TGS1: variants seen among roughly 807,000 people sequenced by gnomAD.
The protein encoded by TGS1 is trimethylguanosine synthase.
TGS1 carries 69 observed loss-of-function variants against 92.2 expected under a neutral mutation model. The observed-to-expected ratio is 0.75, with a 90% CI of 0.62 to 0.91. TGS1 has a LOEUF of 0.91. Ranked by LOEUF, TGS1 falls within the 40% of genes least tolerant of loss-of-function variation. The pLI is 0.00. For missense variants in TGS1, 1,062 were observed against 1,001.2 expected (o/e 1.06, Z -0.82); for synonymous variants, 345 against 338.1 (o/e 1.02, Z -0.22).
chr8:55,775,409 C>T (rs768001836), intron 1 of TGS1, among the ~76,000 whole-genome samples: 1 of 152,044 alleles, frequency 6.6e-6, no homozygotes, highest in East Asian at 1.9e-4. Context: ...ACTACTCAGG[C>T]GGCAGTGTGG....
At chr8:55,817,173 C>T (rs189617878) in intron 12 of TGS1, among the ~76,000 whole-genome samples, 2 of 152,266 alleles carry the variant, frequency 1.3e-5, no homozygotes, top group African/African-American at 4.8e-5. Context: ...CTCATCTCTC[C>T]TTAGTTGGCA....
intron 6 of TGS1, 69 bp from the exon 7 acceptor site, chr8:55,795,909 C>A: frequency 8.5e-7 from 1 of 1,181,946 alleles, no homozygotes; most frequent in Non-Finnish European, 1.2e-6. Context: ...TTAGTTTCAT[C>A]CTCTTTTCCT....
chr8:55,802,389 A>G, intron 8 of TGS1, 68 bp from the exon 9 acceptor site: 2 of 1,315,584 alleles, frequency 1.5e-6, no homozygotes, highest in Non-Finnish European at 2.2e-6. Flanking sequence ...CTTCATTTTT[A>G]GATAAACTCA....
chr8:55,822,896 A>G (rs1378636424), intron 12 of TGS1, among the ~76,000 whole-genome samples: 2 of 152,186 alleles, frequency 1.3e-5, no homozygotes, highest in Non-Finnish European at 2.9e-5. Context: ...TACCACTGAG[A>G]TTACATTCTC....
intron 12 of TGS1, among the ~76,000 whole-genome samples, chr8:55,814,017 G>A (rs1047133404): frequency 1.3e-5 from 2 of 151,984 alleles, no homozygotes; most frequent in African/African-American, 4.8e-5. Context: ...GCCCAAACAC[G>A]GCTCACTGCA....
intron 5 of TGS1, among the ~76,000 whole-genome samples, chr8:55,792,425 T>C (rs767437348): frequency 2.0e-5 from 3 of 152,248 alleles, no homozygotes; most frequent in Non-Finnish European, 2.9e-5. Context: ...TGAGAGATTA[T>C]ATTTGTACCA....
intron 7 of TGS1, among the ~76,000 whole-genome samples, chr8:55,796,479 C>T (rs186626084): frequency 6.6e-6 from 1 of 151,770 alleles, no homozygotes; most frequent in Non-Finnish European, 1.5e-5. Flanking sequence ...CACCTGAGGT[C>T]GGGAGTACCA....
intron 1 of TGS1, among the ~76,000 whole-genome samples, chr8:55,780,670 A>G (rs1023660318): frequency 3.3e-5 from 5 of 152,052 alleles, no homozygotes; most frequent in Admixed American, 3.3e-4. Flanking sequence ...TGAATCAGCT[A>G]CCTCTGTGAA....
At position 55,804,920 on chromosome 8, in the gene TGS1, A is replaced by G. The variant is rs1383381572; in HGVS notation, c.2027A>G (p.Lys676Arg). The G allele has an allele frequency of 6.2e-7, 1 of 1,614,006 alleles. No individual in the cohort carries two copies. The highest frequency in any genetic ancestry group is 1.7e-5 in the Admixed American group (1 of 60,004). Reference sequence around the variant, plus strand: ...GGCTGGTTTTCAGTTACACCCGAGAAGATTGCTGAACACATTGCTGGCCGT... The same window carrying G: ...GGCTGGTTTTCAGTTACACCCGAGAGGATTGCTGAACACATTGCTGGCCGT... ...REGWFSVTPEKIAEHIAGRVS... is the reference protein window; with the variant it reads ...REGWFSVTPERIAEHIAGRVS... Residue 676 changes from lysine to arginine, a missense_variant, in exon 10 of 13, where the codon AAG becomes AGG. Physicochemically the swap from Lys to Arg is conservative, Grantham distance 26. Transcript: ENST00000260129.
At chr8:55,793,733 A>AATTTATTTATTT (rs143163863) in intron 6 of TGS1, among the ~76,000 whole-genome samples, 5 of 144,964 alleles carry the variant, frequency 3.4e-5, no homozygotes, top group East Asian at 4.0e-4. Context: ...ATGCCCTGCT[A>AATTTATTTATTT]ATTTATTTAT....
At chr8:55,817,084 C>T (rs927325319) in intron 12 of TGS1, among the ~76,000 whole-genome samples, 2 of 152,064 alleles carry the variant, frequency 1.3e-5, no homozygotes, top group Admixed American at 6.6e-5. Context: ...AGGATGGTCT[C>T]GATCTCTTGA....
chr8:55,825,874 C>CT lies in TGS1; in HGVS notation c.*1185dup, dbSNP rs566818508. Among the ~76,000 whole-genome samples, 20,413 of 142,528 alleles carry CT rather than the reference C, an allele frequency of 0.14. 1,520 individuals carry two copies. The highest frequency in any genetic ancestry group is 0.21 in the African/African-American group (8,087 of 39,096). 93.5% of individuals were successfully genotyped at this position (142,528 alleles called of 152,430 possible). On this transcript the variant is annotated 3_prime_UTR_variant, in exon 13 of 13. Transcript: ENST00000260129. ...TGGTTTTTAAACTTTATGTAGCATT[C>CT]TTTTTTTTTTTTTTAGACAGAGTCT...
At chr8:55,785,971 T>C in intron 3 of TGS1, 80 bp downstream of exon 3, 1 of 1,154,026 alleles carries the variant, frequency 8.7e-7, no homozygotes, top group African/African-American at 1.6e-5. Context: ...TTTTATCAGA[T>C]TATATGCATT....
Position 55,802,434 on chromosome 8 carries a change from A to G in TGS1, c.1850-23A>G, listed in dbSNP as rs369723936. ...CTAATTTTTTTCTTAGTGAGCATCTATATTCTTTGTATTTTATTTTAGCTG... is the reference window on the plus strand; with the variant it reads ...CTAATTTTTTTCTTAGTGAGCATCTGTATTCTTTGTATTTTATTTTAGCTG... On this transcript the variant is annotated intron_variant, in intron 8 of 12. Transcript: ENST00000260129. 2.4e-5 allele frequency: 39 copies of G among 1,603,980 alleles called. No individual in the cohort carries two copies. The African/African-American group carries it at 2.5e-4, about 10-fold the overall frequency.
At chr8:55,796,988 CA>C (rs141026808) in intron 7 of TGS1, among the ~76,000 whole-genome samples, 8 of 144,778 alleles carry the variant, frequency 5.5e-5, no homozygotes, top group Admixed American at 3.4e-4. Context: ...AAGACTGTCT[CA>C]AAAAAAAAAC....
chr8:55,789,255 T>TA (rs1811806177), intron 4 of TGS1, among the ~76,000 whole-genome samples: 1 of 152,206 alleles, frequency 6.6e-6, no homozygotes, highest in Non-Finnish European at 1.5e-5. Flanking sequence ...TCTGACAAAA[T>TA]AGAGAACAAA....
chr8:55,814,308 T>C (rs1023623897), intron 12 of TGS1, among the ~76,000 whole-genome samples: 1 of 152,108 alleles, frequency 6.6e-6, no homozygotes, highest in Non-Finnish European at 1.5e-5. Context: ...CTCTGTTTTC[T>C]AGGATGAGGC....
chr8:55,785,031 C>A (rs1811667399), intron 2 of TGS1, among the ~76,000 whole-genome samples: 1 of 151,832 alleles, frequency 6.6e-6, no homozygotes, highest in African/African-American at 2.4e-5. Flanking sequence ...TGTTACTACT[C>A]CATATTACTG....
At chr8:55,809,490 T>C (rs1188561707) in intron 10 of TGS1, among the ~76,000 whole-genome samples, 1 of 152,010 alleles carries the variant, frequency 6.6e-6, no homozygotes, top group East Asian at 1.9e-4. Flanking sequence ...TGCAGGTGTT[T>C]CGCTCTGTCA....
Sources: gnomAD v4.1 joint callset for allele counts (sites outside exome capture counted in the v4.1 genomes callset) on GRCh38, gnomAD v4.1.1 for gene constraint, MANE v1.5 for transcripts, NCBI Gene and HGNC (gene_info 2026-07-23, HGNC 2026-07-21) for gene names.